The following SLC44A2 variants were observed in gnomAD, a reference collection of about 807,000 sequenced individuals.
SLC44A2 encodes solute carrier family 44 member 2 (CTL2 blood group).
Under a neutral mutation model 90.8 loss-of-function variants are expected in SLC44A2, and 57 were observed. That is an observed-to-expected ratio of 0.63 (90% CI 0.51 to 0.78). The LOEUF (loss-of-function observed/expected upper bound fraction) is 0.78. Ranked by LOEUF, SLC44A2 falls within the 30% of genes least tolerant of loss-of-function variation. The pLI, the probability that SLC44A2 is intolerant of heterozygous loss-of-function variation, is 0.00. For missense variants in SLC44A2, 794 were observed against 919.7 expected, an observed-to-expected ratio of 0.86 and a Z score of 1.77; for synonymous variants, 355 against 360.7, an observed-to-expected ratio of 0.98 and a Z score of 0.18.
intron 10 of SLC44A2, among the ~76,000 whole-genome samples, chr19:10,634,479 A>C (rs1343798134): frequency 2.0e-5 from 3 of 150,684 alleles, no homozygotes; most frequent in African/African-American, 7.3e-5. Context: ...AAAAAAAAAA[A>C]GAGAGAGAAC....
intron 20 of SLC44A2, among the ~76,000 whole-genome samples, chr19:10,639,780 C>T (rs1342784370): frequency 3.9e-5 from 6 of 152,042 alleles, no homozygotes; most frequent in Non-Finnish European, 7.3e-5. Flanking sequence ...ACTCGGGAGG[C>T]TGAGGCAGGA....
At chr19:10,623,299 G>A (rs1165233532), upstream of SLC44A2, among the ~76,000 whole-genome samples, 3 of 152,086 alleles carry the variant, frequency 2.0e-5, no homozygotes, top group African/African-American at 7.2e-5. Flanking sequence ...GCTACTAGGA[G>A]GAGAGGGCGC....
intron 4 of SLC44A2, among the ~76,000 whole-genome samples, chr19:10,629,404 A>G (rs1306337101): frequency 1.3e-5 from 2 of 151,206 alleles, no homozygotes; most frequent in Non-Finnish European, 2.9e-5. Flanking sequence ...CAGCCTCCCG[A>G]GTTGCTGGGA....
At chr19:10,634,372 G>A (rs2067030610) in intron 10 of SLC44A2, among the ~76,000 whole-genome samples, 1 of 151,380 alleles carries the variant, frequency 6.6e-6, no homozygotes, top group Non-Finnish European at 1.5e-5. Context: ...GCTGAGGCAG[G>A]AGAATCGCTT....
chr19:10,614,988 A>G (rs1017640703), intron 1 of SLC44A2, among the ~76,000 whole-genome samples: 10 of 149,194 alleles, frequency 6.7e-5, no homozygotes, highest in African/African-American at 2.5e-4. Context: ...AAAAAAAAAA[A>G]GAAGAAGAAA....
rs56002726 is a variant in SLC44A2, at chr19:10,610,631, C to CTTTTTTTTTTTTTTT, written c.31+8081_31+8095dup. The stretch of plus-strand genomic sequence containing the variant: ...TACAGTCGTGAGCCACCGCGCCTGG[C>CTTTTTTTTTTTTTTT]TTTTTTTTTTTTTTTTTTTTTTTTT... On this transcript the variant is annotated intron_variant, in intron 1 of 21. Transcript: ENST00000407327. Among the ~76,000 whole-genome samples the CTTTTTTTTTTTTTTT allele has an allele frequency of 1.0e-4, 5 of 48,014 alleles. 1 individual carries two copies. Among genetic ancestry groups the CTTTTTTTTTTTTTTT allele is most frequent in the African/African-American group, 4.6e-4 (5 of 10,906 alleles). 31.5% of individuals were successfully genotyped at this position (48,014 alleles called of 152,430 possible).
chr19:10,642,713 C>G (rs1427592364), intron 21 of SLC44A2, among the ~76,000 whole-genome samples: 2 of 152,184 alleles, frequency 1.3e-5, no homozygotes, highest in African/African-American at 4.8e-5. Context: ...CTGGCTTTGA[C>G]TGGGGGGAGG....
chr19:10,612,227 C>T (rs767390658), intron 1 of SLC44A2, among the ~76,000 whole-genome samples: 24 of 151,970 alleles, frequency 1.6e-4, no homozygotes, highest in South Asian at 4.2e-4. Context: ...TAAAAATTAG[C>T]GGGGCGTGGT....
In SLC44A2 at chr19:10,631,508, C is replaced by T; in HGVS notation, c.475C>T (p.Pro159Ser). 6.2e-7 allele frequency: 1 copy of T among 1,614,028 alleles called. No homozygotes were observed. The change falls in exon 7 of 22, where the codon CCT (proline) becomes TCT (serine). Residue 159 changes from proline to serine, a missense_variant. This residue lies in a region of SLC44A2 where 738 missense variants were observed against 841.1 expected (regional missense o/e 0.88). Coordinates refer to ENST00000335757, the MANE Select transcript of SLC44A2 (RefSeq NM_020428.4). The part of the protein sequence containing the change: ...VAEVLQDGDC[P>S]AVLIPSKPLA... ...TGAGGTGCTTCAAGATGGTGACTGC[C>T]CTGCTGTCCTCATCCCCAGCAAACC...
chr19:10,643,091 C>T (rs1291395171), intron 21 of SLC44A2, 188 bp from the exon 22 acceptor site: 2 of 1,455,400 alleles, frequency 1.4e-6, no homozygotes, highest in Middle Eastern at 2.0e-4. Context: ...GGGGGGGTTC[C>T]TGGCCTGCGA....
chr19:10,634,118 C>T (rs966555005), intron 10 of SLC44A2, among the ~76,000 whole-genome samples: 2 of 150,566 alleles, frequency 1.3e-5, no homozygotes, highest in African/African-American at 4.9e-5. Context: ...TTACTGGCGC[C>T]CACCACCACG....
At chr19:10,636,890 T>G (rs371002235) in intron 16 of SLC44A2, 134 bp downstream of exon 16, 2 of 948,198 alleles carry the variant, frequency 2.1e-6, no homozygotes, top group East Asian at 2.7e-5. Context: ...TATGACGGGG[T>G]GGAGTTCAGG....
chr19:10,641,645 G>A (rs572529026), intron 20 of SLC44A2, among the ~76,000 whole-genome samples: 5 of 152,000 alleles, frequency 3.3e-5, no homozygotes, highest in Non-Finnish European at 7.4e-5. Context: ...TTAAGCCCAG[G>A]ATGGGTAATG....
chr19:10,643,534 G>T lies in SLC44A2; in HGVS notation c.*149G>T, dbSNP rs1005753023. 5.3e-6 allele frequency: 5 copies of T among 948,170 alleles called. No individual in the cohort carries two copies. Among genetic ancestry groups the T allele is most frequent in the African/African-American group, 3.4e-5 (2 of 59,696 alleles). The allele number at this position is 948,170 out of a possible 1,614,324, so 58.7% of individuals were successfully genotyped here. A position where few individuals can be genotyped will look rare whatever the true frequency, so the allele number is the denominator to read the frequency against. ...AGCCAGATCCCACCAGTTTCTGGAC[G>T]TGGAGAGTCTGGGGCATCTCCTTCT... On this transcript the variant is annotated 3_prime_UTR_variant, in exon 22 of 22. Coordinates refer to ENST00000335757, the MANE Select transcript of SLC44A2 (RefSeq NM_020428.4).
chr19:10,602,493 G>A (rs1190698301), upstream of SLC44A2: 80 of 1,235,422 alleles, frequency 6.5e-5, no homozygotes, highest in Non-Finnish European at 7.4e-5. Context: ...GGCTGGGGTC[G>A]CGCTGGCTCG....
In SLC44A2 at chr19:10,612,639, T is replaced by C. The variant is rs1042703926; in HGVS notation, c.31+10078T>C. Among the ~76,000 whole-genome samples the C allele has an allele frequency of 2.0e-5, 3 of 152,216 alleles. No homozygotes were observed. The East Asian group carries it at 5.8e-4, about 29-fold the overall frequency. ...TTGGGCCGCTGCAGCCCTTGGGGAC[T>C]TGGCCAGTGTCCGGAAGCTGTGGGG... On this transcript the variant is annotated intron_variant, in intron 1 of 21. Transcript: ENST00000407327.
chr19:10,603,712 AC>A (rs1918025819), intron 1 of SLC44A2, among the ~76,000 whole-genome samples: 1 of 151,654 alleles, frequency 6.6e-6, no homozygotes, highest in African/African-American at 2.4e-5. Flanking sequence ...CCCTGGAGGG[AC>A]CCCCTTGGTC....
intron 1 of SLC44A2, among the ~76,000 whole-genome samples, chr19:10,618,888 T>C (rs1440111054): frequency 6.6e-6 from 1 of 151,298 alleles, no homozygotes; most frequent in Non-Finnish European, 1.5e-5. Context: ...CTTCCTAATA[T>C]ACATTCAGGG....
At chr19:10,610,331 C>CTTTT (rs1158338646) in intron 1 of SLC44A2, among the ~76,000 whole-genome samples, 2 of 134,458 alleles carry the variant, frequency 1.5e-5, no homozygotes, top group African/African-American at 2.8e-5. Flanking sequence ...TTTTCTTTTC[C>CTTTT]TTTTTTTTTT....
Sources: allele counts gnomAD v4.1 joint callset (sites outside exome capture counted in the v4.1 genomes callset), GRCh38; gene constraint gnomAD v4.1.1; regional missense constraint gnomAD v4.1.1; transcripts MANE v1.5; gene names NCBI Gene and HGNC (gene_info 2026-07-23, HGNC 2026-07-21).